The following PDE4D variants were observed in gnomAD, a reference collection of about 807,000 sequenced individuals.
The protein encoded by PDE4D is phosphodiesterase 4D.
A neutral mutation model predicts 87.4 loss-of-function variants in PDE4D; 24 were observed. That is an observed-to-expected ratio of 0.27 (90% confidence interval 0.20 to 0.39). The LOEUF is 0.39. Ranked by LOEUF, PDE4D falls within the 10% of genes least tolerant of loss-of-function variation. The pLI is 1.00. For missense variants in PDE4D, 714 were observed against 1,041.0 expected (o/e 0.69, Z 4.32); for synonymous variants, 384 against 383.2 (o/e 1.00, Z -0.02).
intron 1 of PDE4D, among the ~76,000 whole-genome samples, chr5:60,503,683 G>A (rs1296918844): frequency 6.6e-6 from 1 of 152,054 alleles, no homozygotes; most frequent in African/African-American, 2.4e-5. Context: ...TCTACAACTT[G>A]TTTCTCCTGC....
At chr5:59,557,145 C>T (rs1219346696) in intron 1 of PDE4D, among the ~76,000 whole-genome samples, 1 of 152,136 alleles carries the variant, frequency 6.6e-6, no homozygotes, top group South Asian at 2.1e-4. Context: ...TCTCAAGGTT[C>T]CCCAAGAGTA....
At chr5:59,997,333 C>G (rs1055922768) in intron 2 of PDE4D, among the ~76,000 whole-genome samples, 1 of 152,136 alleles carries the variant, frequency 6.6e-6, no homozygotes, top group African/African-American at 2.4e-5. Flanking sequence ...CCAGTTTACT[C>G]TCTCAAGTGT....
Position 60,097,788 on chromosome 5 carries a change from T to A in PDE4D, c.42+87769A>T, listed in dbSNP as rs554689958. ...GTTAAATCCGGTGCTGTGATGGACA[T>A]TAGAAAATCCAATAATACACAAATC... is the stretch of plus-strand genomic sequence containing the variant. On this transcript the variant is annotated intron_variant, in intron 2 of 16. Transcript: ENST00000502484. Among the ~76,000 whole-genome samples the A allele has an allele frequency of 2.6e-5, 4 of 151,902 alleles. No homozygotes were observed. The South Asian group carries it at 8.3e-4, about 31-fold the overall frequency.
chr5:59,480,251 A>G (rs1804016900), intron 1 of PDE4D, among the ~76,000 whole-genome samples: 1 of 152,100 alleles, frequency 6.6e-6, no homozygotes, highest in Admixed American at 6.6e-5. Context: ...AAAGTTATCA[A>G]AAAGGATAGA....
At chr5:60,448,839 A>G (rs1185803943) in intron 1 of PDE4D, 2 of 152,168 alleles carry the variant, frequency 1.3e-5, no homozygotes, top group Non-Finnish European at 2.9e-5. Flanking sequence ...TAGCCTTTGC[A>G]TAATGTTTAG....
chr5:59,382,996 T>C (rs980276574), intron 1 of PDE4D, among the ~76,000 whole-genome samples: 3 of 152,244 alleles, frequency 2.0e-5, no homozygotes, highest in African/African-American at 7.2e-5. Flanking sequence ...CATAAATGCT[T>C]AGTGCGGTAT....
At chr5:60,224,186 ATAATC>A (rs1562235349) in intron 1 of PDE4D, among the ~76,000 whole-genome samples, 3 of 152,104 alleles carry the variant, frequency 2.0e-5, no homozygotes, top group African/African-American at 4.8e-5. Context: ...ATTACAAAAT[ATAATC>A]TATAGCATTG....
chr5:60,232,078 C>G (rs1425449345), intron 1 of PDE4D, among the ~76,000 whole-genome samples: 1 of 151,818 alleles, frequency 6.6e-6, no homozygotes, highest in Non-Finnish European at 1.5e-5. Flanking sequence ...CTGTTTGTAA[C>G]TTTGTAATCT....
intron 1 of PDE4D, among the ~76,000 whole-genome samples, chr5:59,395,366 T>G (rs976374230): frequency 6.6e-5 from 10 of 152,208 alleles, no homozygotes; most frequent in Non-Finnish European, 1.0e-4. Context: ...GCAGTGGTTC[T>G]CCCAGCACGC....
At chr5:59,925,821 T>C (rs1046644165) in intron 3 of PDE4D, among the ~76,000 whole-genome samples, 3 of 152,146 alleles carry the variant, frequency 2.0e-5, no homozygotes, top group African/African-American at 7.2e-5. Flanking sequence ...GATATAAGAA[T>C]TGTAAATATA....
chr5:59,382,208 T>C (rs999794609), intron 1 of PDE4D, among the ~76,000 whole-genome samples: 4 of 152,182 alleles, frequency 2.6e-5, no homozygotes, highest in African/African-American at 9.6e-5. Context: ...ATTTACCATA[T>C]GGAATCACAT....
At chr5:59,279,523 A>G (rs900863422) in intron 1 of PDE4D, among the ~76,000 whole-genome samples, 1 of 152,036 alleles carries the variant, frequency 6.6e-6, no homozygotes, top group Non-Finnish European at 1.5e-5. Context: ...AGAAGTCCGG[A>G]GTATTATATT....
In PDE4D at chr5:59,192,718, T is replaced by C. The variant is rs142338024; in HGVS notation, c.684+782A>G. 2.5e-4 allele frequency among the ~76,000 whole-genome samples: 38 copies of C among 152,328 alleles called. No homozygotes were observed. In the East Asian group the frequency reaches 6.7e-3, roughly 27 times the overall value. ...TGCTTCATGCCCCAGGTTAAATCAGTTTTATCTCATTCCGCCCTTAGTTGT... is the reference window on the plus strand; with the variant it reads ...TGCTTCATGCCCCAGGTTAAATCAGCTTTATCTCATTCCGCCCTTAGTTGT... On this transcript the variant is annotated intron_variant, in intron 3 of 14. Transcript: ENST00000340635.
intron 6 of PDE4D, among the ~76,000 whole-genome samples, chr5:59,004,926 T>C (rs1751294441): frequency 6.6e-6 from 1 of 152,226 alleles, no homozygotes; most frequent in African/African-American, 2.4e-5. Flanking sequence ...GTCTTCAACT[T>C]TGACTCCTCA....
At chr5:59,076,495 T>A (rs1323771974) in intron 5 of PDE4D, among the ~76,000 whole-genome samples, 1 of 152,132 alleles carries the variant, frequency 6.6e-6, no homozygotes, top group Non-Finnish European at 1.5e-5. Flanking sequence ...AAATGTGGAA[T>A]GTGAGGAACG....
chr5:59,978,415 G>A (rs1324372499), intron 3 of PDE4D, among the ~76,000 whole-genome samples: 1 of 152,154 alleles, frequency 6.6e-6, no homozygotes, highest in East Asian at 1.9e-4. Flanking sequence ...CTGCAGATGT[G>A]CTGGAAATTG....
intron 1 of PDE4D, among the ~76,000 whole-genome samples, chr5:60,416,630 C>G (rs1462015914): frequency 1.3e-5 from 2 of 152,224 alleles, no homozygotes; most frequent in Non-Finnish European, 2.9e-5. Flanking sequence ...AAGGAACAAA[C>G]TCTGGACACA....
intron 2 of PDE4D, among the ~76,000 whole-genome samples, chr5:60,079,922 G>T (rs1055550867): frequency 6.6e-6 from 1 of 152,220 alleles, no homozygotes; most frequent in Non-Finnish European, 1.5e-5. Context: ...GAATGTCAAT[G>T]ATAGTTTGAT....
At chr5:59,714,075 T>G (rs1561525902) in intron 1 of PDE4D, among the ~76,000 whole-genome samples, 1 of 152,132 alleles carries the variant, frequency 6.6e-6, no homozygotes, top group Non-Finnish European at 1.5e-5. Flanking sequence ...CCCTGCTTGG[T>G]CTGGGTCTGC....
Sources: allele counts gnomAD v4.1 joint callset (sites outside exome capture counted in the v4.1 genomes callset), GRCh38; gene constraint gnomAD v4.1.1; transcripts MANE v1.5; gene names NCBI Gene and HGNC (gene_info 2026-07-23, HGNC 2026-07-21).